Variants in TICRR observed in about 807,000 individuals in gnomAD.
TICRR encodes the protein TOPBP1 interacting checkpoint and replication regulator.
In TICRR, 132 loss-of-function variants were observed where a neutral mutation model predicts 178.1. That is an observed-to-expected ratio of 0.74 (90% confidence interval 0.64 to 0.86). TICRR has a LOEUF of 0.86. Among genes scored for constraint, TICRR ranks in the 40% least tolerant of loss-of-function variants. The probability of loss-of-function intolerance (pLI) is 0.00; values close to 1 mark genes in which losing one functional copy is unlikely to be tolerated. For missense variants in TICRR, 2,587 were observed against 2,334.3 expected, an observed-to-expected ratio of 1.11 and a Z score of -2.23; for synonymous variants, 991 against 900.7, an observed-to-expected ratio of 1.10 and a Z score of -1.79.
intron 5 of TICRR, among the ~76,000 whole-genome samples, chr15:89,592,914 G>A (rs1282835711): frequency 1.3e-5 from 2 of 152,078 alleles, no homozygotes; most frequent in Non-Finnish European, 2.9e-5. Flanking sequence ...AAATCAACTG[G>A]CCACCTTTGT....
intron 21 of TICRR, 130 bp from the exon 22 acceptor site, chr15:89,626,826 A>T: frequency 1.0e-6 from 1 of 993,214 alleles, no homozygotes; most frequent in Non-Finnish European, 1.5e-6. Context: ...CTGTAGGATA[A>T]GCGAACCTCC....
At chr15:89,623,255 G>A (rs898490022) in intron 19 of TICRR, among the ~76,000 whole-genome samples, 3 of 152,238 alleles carry the variant, frequency 2.0e-5, no homozygotes, top group African/African-American at 2.4e-5. Flanking sequence ...GGTGGCTCCT[G>A]GAGGCTGCTT....
At chr15:89,588,126 G>A (rs751881568) in intron 4 of TICRR, among the ~76,000 whole-genome samples, 7 of 152,092 alleles carry the variant, frequency 4.6e-5, no homozygotes, top group South Asian at 2.1e-4. Flanking sequence ...GTTCTCTTCC[G>A]ATTGCTTCAG....
At chr15:89,590,611 C>G (rs1179708396) in intron 4 of TICRR, among the ~76,000 whole-genome samples, 1 of 152,134 alleles carries the variant, frequency 6.6e-6, no homozygotes, top group Non-Finnish European at 1.5e-5. Context: ...GGGTGAGGTC[C>G]TATTCATGCA....
chr15:89,577,948 G>A (rs1044892059), intron 1 of TICRR, among the ~76,000 whole-genome samples: 2 of 152,050 alleles, frequency 1.3e-5, no homozygotes, highest in Non-Finnish European at 2.9e-5. Flanking sequence ...AATGGTGAAG[G>A]AGGAGGAACT....
chr15:89,599,262 C>A, intron 7 of TICRR, 62 bp from the exon 8 acceptor site: 1 of 1,393,388 alleles, frequency 7.2e-7, no homozygotes, highest in Admixed American at 2.1e-5. Flanking sequence ...AACAACTGGC[C>A]TAAGTAATAC....
In TICRR at chr15:89,592,174, T is replaced by C. The variant is rs766688509; in HGVS notation, c.1539T>C (p.Phe513=). The change falls in exon 5 of 22, where the codon TTT becomes TTC. Residue 513 remains phenylalanine (F), a splice_region_variant and synonymous_variant. Coordinates refer to ENST00000268138, the MANE Select transcript of TICRR (RefSeq NM_152259.4). The stretch of plus-strand genomic sequence containing the variant: ...CCAGTTCCGATTTGATGGAGTCATT[T>C]GGGTAAAACGTTTTTATATCTCTTG... The part of the protein sequence containing the change: ...SGASSDLMES[F]GLLQAASANK... 2.4e-5 allele frequency: 39 copies of C among 1,610,986 alleles called. No homozygotes were observed. In the South Asian group the frequency reaches 3.9e-4, roughly 16 times the overall value.
chr15:89,584,314 A>G lies in TICRR; in HGVS notation c.963A>G (p.Thr321=). 1.2e-6 allele frequency: 2 copies of G among 1,612,322 alleles called. No homozygotes were observed. The highest frequency in any genetic ancestry group is 2.2e-5 in the East Asian group (1 of 44,836). Residue 321 remains threonine, a synonymous_variant, in exon 3 of 22, where the codon ACA becomes ACG. Coordinates refer to ENST00000268138, the MANE Select transcript of TICRR (RefSeq NM_152259.4). Reference sequence around the variant, plus strand: ...GCAAAGAGATTCAAGAAACATGGACAGTCACCCTAGAGCCCTTGGCCATGC... The same window carrying G: ...GCAAAGAGATTCAAGAAACATGGACGGTCACCCTAGAGCCCTTGGCCATGC... ...EAGKEIQETW[T]VTLEPLAMHQ...
chr15:89,602,277 A>G (rs997077826), intron 12 of TICRR, among the ~76,000 whole-genome samples: 4 of 152,170 alleles, frequency 2.6e-5, no homozygotes, highest in African/African-American at 9.7e-5. Context: ...CCTAGATAGT[A>G]TATATTTTTT....
In TICRR at chr15:89,579,800, ACT is replaced by A. The variant is rs1962690841; in HGVS notation, c.655-2883_655-2882del. On this transcript the variant is annotated intron_variant, in intron 1 of 21. Transcript: ENST00000268138. ...CTGCTTTGCCCTGTGCTGCCTTGGG[ACT>A]CTGCAGAGTCCCCACCAGCAAGAAG... The A allele has an allele frequency of 2.0e-5, 3 of 151,178 alleles. No homozygotes were observed. The South Asian group carries it at 6.3e-4, about 32-fold the overall frequency. 9.4% of individuals were successfully genotyped at this position (151,178 alleles called of 1,614,324 possible). A position where few individuals can be genotyped will look rare whatever the true frequency, so the allele number is the denominator to read the frequency against.
chr15:89,610,909 C>G (rs998591088), intron 15 of TICRR, among the ~76,000 whole-genome samples: 1 of 151,986 alleles, frequency 6.6e-6, no homozygotes, highest in African/African-American at 2.4e-5. Context: ...TTAAAAGAAC[C>G]TGGCTTTATG....
intron 3 of TICRR, 42 bp downstream of exon 3, chr15:89,584,569 A>G (rs371630552): frequency 1.3e-5 from 19 of 1,501,058 alleles, no homozygotes; most frequent in Non-Finnish European, 1.5e-5. Flanking sequence ...GTCTAACAAC[A>G]CACTGGTAAA....
At position 89,582,900 on chromosome 15, in the gene TICRR, A is replaced by G; in HGVS notation, c.869A>G (p.Tyr290Cys). Residue 290 changes from tyrosine (Y) to cysteine (C), a missense_variant, in exon 2 of 22, where the codon TAC becomes TGC. Tyr to Cys is a radical substitution (Grantham distance 194). Transcript: ENST00000268138. ...GATGCCACTTTAAACCGTTTGCTCT[A>G]CAATTCTCCTGAGTATGAGGCCTCG... is the stretch of plus-strand genomic sequence containing the variant. ...PTDATLNRLLYNSPEYEASFP... is the reference protein window; with the variant it reads ...PTDATLNRLLCNSPEYEASFP... The G allele has an allele frequency of 6.2e-7, 1 of 1,614,132 alleles. No homozygotes were observed. Among genetic ancestry groups the G allele is most frequent in the Non-Finnish European group, 8.5e-7 (1 of 1,180,020 alleles).
chr15:89,581,232 AT>A (rs1307189399), intron 1 of TICRR, among the ~76,000 whole-genome samples: 2 of 152,106 alleles, frequency 1.3e-5, no homozygotes, highest in African/African-American at 4.8e-5. Context: ...AGCAATTATA[AT>A]TTATAATTGT....
Position 89,601,355 on chromosome 15 carries a change from T to C in TICRR, c.2211T>C (p.Asn737=). The C allele has an allele frequency of 1.2e-6, 2 of 1,614,148 alleles. No individual in the cohort carries two copies. The highest frequency in any genetic ancestry group is 1.7e-6 in the Non-Finnish European group (2 of 1,180,016). Residue 737 remains asparagine (N), a synonymous_variant, in exon 10 of 22, where the codon AAT becomes AAC. Transcript: ENST00000268138. ...TGTGTCTGCAATGCCCTTCAATAAA[T>C]GAAAGTACAGATGATATGGAACAAG... is the stretch of plus-strand genomic sequence containing the variant. ...LEMCLQCPSI[N]ESTDDMEQVV... is the part of the protein sequence containing the mutation.
chr15:89,592,016 C>T, intron 4 of TICRR, 31 bp from the exon 5 acceptor site: 3 of 1,588,900 alleles, frequency 1.9e-6, no homozygotes, highest in Non-Finnish European at 2.6e-6. Context: ...ATGCTGTTTC[C>T]TCTCCTGCCG....
rs1567054354 is a variant in TICRR at position 89,625,972 on chromosome 15, GC to G, written c.5515del (p.Leu1839SerfsTer9). The G allele has an allele frequency of 1.2e-6, 2 of 1,602,650 alleles. No homozygotes were observed. The highest frequency in any genetic ancestry group is 1.7e-6 in the Non-Finnish European group (2 of 1,175,164). On this transcript the variant is annotated frameshift_variant, in exon 21 of 22. Transcript: ENST00000268138. LOFTEE classifies it high-confidence loss of function. ...CCTCCCAGCTGTGCCGTGCGGAGCT[GC>G]CTCTCTGCCAGTGCCCTCCAGGCTC... is the stretch of plus-strand genomic sequence containing the variant. Reference protein sequence around the residue: ...TPPPSCAVRSCLSASALQALT... With the variant: ...TPPPSCAVRSXLSASALQALT...
chr15:89,596,419 T>C (rs965602365), intron 7 of TICRR, among the ~76,000 whole-genome samples: 2 of 152,212 alleles, frequency 1.3e-5, no homozygotes, highest in Non-Finnish European at 2.9e-5. Context: ...TGATCTTGGC[T>C]CACTGCAACC....
intron 4 of TICRR, among the ~76,000 whole-genome samples, chr15:89,587,933 T>C (rs972437145): frequency 3.3e-5 from 5 of 152,144 alleles, no homozygotes; most frequent in African/African-American, 1.2e-4. Flanking sequence ...TGCATGTTGA[T>C]GAGATAATAT....
Sources: gnomAD v4.1 joint callset for allele counts (sites outside exome capture counted in the v4.1 genomes callset) on GRCh38, gnomAD v4.1.1 for gene constraint, MANE v1.5 for transcripts, NCBI Gene and HGNC (gene_info 2026-07-23, HGNC 2026-07-21) for gene names.